PCNT: variants seen among roughly 807,000 people sequenced by gnomAD.
The protein encoded by PCNT is kendrin.
PCNT carries 319 observed loss-of-function variants against 380.4 expected under a neutral mutation model. That is an observed-to-expected ratio of 0.84 (90% confidence interval 0.77 to 0.92). The LOEUF (loss-of-function observed/expected upper bound fraction) is 0.92, where lower values mean the gene tolerates loss of function less well. PCNT is among the 40% of genes least tolerant of loss of function. The probability of loss-of-function intolerance (pLI) is 0.00; values close to 1 mark genes in which losing one functional copy is unlikely to be tolerated. For missense variants in PCNT, 4,400 were observed against 4,255.3 expected (o/e 1.03, Z -0.95); for synonymous variants, 1,845 against 1,735.2 (o/e 1.06, Z -1.57).
chr21:46,436,229 C>T (rs1202058288), intron 39 of PCNT, 81 bp downstream of exon 39: 14 of 1,528,534 alleles, frequency 9.2e-6, no homozygotes, highest in East Asian at 6.9e-5. Context: ...GGCTGGGGCG[C>T]GTCTGGTGTG....
At chr21:46,428,687 G>T (rs926639453) in intron 35 of PCNT, 97 bp downstream of exon 35, 11 of 1,077,278 alleles carry the variant, frequency 1.0e-5, no homozygotes, top group Non-Finnish European at 1.5e-5. Context: ...TGGTGACAGG[G>T]CATCATCTAG....
At chr21:46,397,116 T>G (rs2086235587) in intron 21 of PCNT, 149 bp from the exon 22 acceptor site, 2 of 697,324 alleles carry the variant, frequency 2.9e-6, no homozygotes. Flanking sequence ...TTAGCCAATG[T>G]TGTTTTAAAA....
At chr21:46,350,174 C>G (rs1449647771) in intron 8 of PCNT, among the ~76,000 whole-genome samples, 1 of 151,868 alleles carries the variant, frequency 6.6e-6, no homozygotes, top group Non-Finnish European at 1.5e-5. Flanking sequence ...GAGCCTCCGT[C>G]TCAAAAGCAA....
intron 17 of PCNT, among the ~76,000 whole-genome samples, chr21:46,386,351 A>G (rs1361148270): frequency 6.6e-6 from 1 of 152,146 alleles, no homozygotes; most frequent in Non-Finnish European, 1.5e-5. Flanking sequence ...GCAGGCCCAC[A>G]TGTCTCGTGG....
At chr21:46,358,697 T>C (rs1207270242) in intron 13 of PCNT, among the ~76,000 whole-genome samples, 2 of 151,668 alleles carry the variant, frequency 1.3e-5, no homozygotes, top group Non-Finnish European at 2.9e-5. Flanking sequence ...CGATCTCAGC[T>C]CACTGCAACC....
chr21:46,379,537 C>T (rs763482497), intron 15 of PCNT, among the ~76,000 whole-genome samples: 5 of 151,970 alleles, frequency 3.3e-5, no homozygotes, highest in Admixed American at 6.6e-5. Context: ...GGTTTTTGGC[C>T]GTCGTGTCTT....
At chr21:46,343,325 G>A (rs559299385) in intron 3 of PCNT, among the ~76,000 whole-genome samples, 2 of 152,256 alleles carry the variant, frequency 1.3e-5, no homozygotes, top group Non-Finnish European at 2.9e-5. Context: ...CGATTTTGCT[G>A]AGGGTTTTAA....
At position 46,399,711 on chromosome 21, in the gene PCNT, A is replaced by G. The variant is rs2086357028; in HGVS notation, c.4706A>G (p.Glu1569Gly). 5.6e-6 allele frequency: 9 copies of G among 1,614,084 alleles called. No homozygotes were observed. The highest frequency in any genetic ancestry group is 7.6e-6 in the Non-Finnish European group (9 of 1,179,926). ...GAAGAAGAAATTAAACGTCTGGAGG[A>G]GATGAACATCAACATCAGGAAAAAA... is the stretch of plus-strand genomic sequence containing the variant. ...MQEEEIKRLE[E>G]MNINIRKKVA... The change falls in exon 25 of 47, where the codon GAG becomes GGG. Residue 1569 changes from glutamate (E) to glycine (G), a missense_variant. Physicochemically the swap from Glu to Gly is moderately conservative, Grantham distance 98 (BLOSUM62 -2). Transcript: ENST00000359568.
chr21:46,366,082 A>G (rs1432041037), intron 14 of PCNT, among the ~76,000 whole-genome samples: 1 of 148,570 alleles, frequency 6.7e-6, no homozygotes, highest in Non-Finnish European at 1.5e-5. Context: ...ATTCACTGCC[A>G]TGAGGTTCTA....
chr21:46,325,151 G>A (rs2083332565), intron 1 of PCNT: 2 of 985,732 alleles, frequency 2.0e-6, no homozygotes, highest in Non-Finnish European at 2.4e-6. Flanking sequence ...CTCGGGGGCA[G>A]GAGAAAGGGA....
At chr21:46,382,858 C>G (rs150671306) in intron 16 of PCNT, among the ~76,000 whole-genome samples, 855 of 73,618 alleles carry the variant, frequency 0.012, 42 homozygotes, top group African/African-American at 0.062. Flanking sequence ...TGGCGGAAGC[C>G]CATTCATGGT....
At position 46,366,947 on chromosome 21, in the gene PCNT, G is replaced by A. The variant is rs1426342733; in HGVS notation, c.2973G>A (p.Glu991=). The part of the protein sequence containing the change: ...TIREEHRQAL[E]LLRADFEEQL... ...GTGAGGAGCACAGGCAGGCCCTAGA[G>A]CTCTTACGAGCAGACTTTGAGGAAC... Residue 991 remains glutamate (E), a synonymous_variant, in exon 15 of 47, where the codon GAG becomes GAA. Coordinates refer to ENST00000359568, the MANE Select transcript of PCNT (RefSeq NM_006031.6). The A allele has an allele frequency of 1.2e-6, 2 of 1,614,258 alleles. No individual in the cohort carries two copies. Among genetic ancestry groups the A allele is most frequent in the East Asian group, 2.2e-5 (1 of 44,886 alleles).
chr21:46,426,482 C>T (rs1054973314), intron 33 of PCNT, among the ~76,000 whole-genome samples: 5 of 152,224 alleles, frequency 3.3e-5, no homozygotes, highest in African/African-American at 1.2e-4. Flanking sequence ...GCTTTCAGGC[C>T]TGTGCCCTGT....
intron 31 of PCNT, chr21:46,420,505 T>C (rs1428303451): frequency 6.6e-6 from 1 of 152,286 alleles, no homozygotes; most frequent in Non-Finnish European, 1.5e-5. Flanking sequence ...GAGGGCGTTC[T>C]TGAGTTTATT....
At chr21:46,394,552 CGATT>C (rs2086144964) in intron 21 of PCNT, 1 of 983,778 alleles carries the variant, frequency 1.0e-6, no homozygotes, top group Non-Finnish European at 1.2e-6. Flanking sequence ...TAAAGACAAA[CGATT>C]GATTTGTGTG....
chr21:46,345,988 C>G (rs1274645840), intron 3 of PCNT, 140 bp from the exon 4 acceptor site: 2 of 794,776 alleles, frequency 2.5e-6, no homozygotes, highest in East Asian at 2.6e-5. Flanking sequence ...GTTGCTCCCA[C>G]CTTCTGGCCG....
rs1412406581 is a variant in PCNT at position 46,382,208 on chromosome 21, C to T, written c.3312+368C>T. On this transcript the variant is annotated intron_variant, in intron 16 of 46. Transcript: ENST00000359568. Reference sequence around the variant, plus strand: ...CGCATTCATAGTGTAGATTCAGTGGCGGAAGCGCATTCATAGTGTTCTGCA... The same window carrying T: ...CGCATTCATAGTGTAGATTCAGTGGTGGAAGCGCATTCATAGTGTTCTGCA... Among the ~76,000 whole-genome samples, 5 of 144,468 alleles carry T rather than the reference C, an allele frequency of 3.5e-5. 2 individuals carry two copies. Among genetic ancestry groups the T allele is most frequent in the East Asian group, 4.3e-4 (2 of 4,612 alleles). 94.8% of individuals were successfully genotyped at this position (144,468 alleles called of 152,430 possible).
Position 46,411,901 on chromosome 21 carries a change from G to A in PCNT, c.5828G>A (p.Cys1943Tyr), listed in dbSNP as rs1326025229. 6.3e-7 allele frequency: 1 copy of A among 1,582,406 alleles called. No homozygotes were observed. Among genetic ancestry groups the A allele is most frequent in the East Asian group, 2.3e-5 (1 of 43,910 alleles). ...GTGCTGCACCAGCGGTTCCTGAGGT[G>A]CCAGGTGGAGCTGGACAGGCGGCAG... ...LQVLHQRFLR[C>Y]QVELDRRQAR... The change falls in exon 28 of 47, where the codon TGC becomes TAC. Residue 1943 changes from cysteine (C) to tyrosine (Y), a missense_variant. Transcript: ENST00000359568.
At chr21:46,359,486 T>TTTTTTTTTTTTTTTTTTTC (rs2084616491) in intron 13 of PCNT, among the ~76,000 whole-genome samples, 1 of 80,626 alleles carries the variant, frequency 1.2e-5, no homozygotes, top group Non-Finnish European at 3.0e-5. Flanking sequence ...ACCTGTTTTT[T>TTTTTTTTTTTTTTTTTTTC]TTTTGTTTTT....
Sources: allele counts gnomAD v4.1 joint callset (sites outside exome capture counted in the v4.1 genomes callset), GRCh38; gene constraint gnomAD v4.1.1; transcripts MANE v1.5; gene names NCBI Gene and HGNC (gene_info 2026-07-23, HGNC 2026-07-21).